BHMT2: variants seen among roughly 807,000 people sequenced by gnomAD.
BHMT2 encodes the protein betaine--homocysteine S-methyltransferase 2, also known as S-methylmethionine--homocysteine S-methyltransferase BHMT2.
In BHMT2, 28 loss-of-function variants were observed where a neutral mutation model predicts 39.0. The observed-to-expected ratio is 0.72, with a 90% CI of 0.53 to 0.98. The LOEUF (loss-of-function observed/expected upper bound fraction) is 0.98, where lower values mean the gene tolerates loss of function less well. Ranked by LOEUF, BHMT2 falls within the 50% of genes least tolerant of loss-of-function variation. The pLI is 0.00. For missense variants in BHMT2, 410 were observed against 455.6 expected, an observed-to-expected ratio of 0.90 and a Z score of 0.91; for synonymous variants, 145 against 160.6, an observed-to-expected ratio of 0.90 and a Z score of 0.74.
intron 7 of BHMT2, among the ~76,000 whole-genome samples, chr5:79,087,955 G>A (rs1288894292): frequency 3.3e-5 from 5 of 152,312 alleles, no homozygotes; most frequent in East Asian, 3.9e-4. Context: ...CAAGGCAGAC[G>A]GATCACTGGA....
intron 7 of BHMT2, 89 bp from the exon 8 acceptor site, chr5:79,088,401 TATA>T: frequency 1.7e-5 from 13 of 776,550 alleles, no homozygotes; most frequent in Non-Finnish European, 2.7e-5. Context: ...TGTGTGTGGT[TATA>T]TACATATACA....
intron 3 of BHMT2, 106 bp from the exon 4 acceptor site, chr5:79,080,581 A>T (rs1212588619): frequency 2.1e-5 from 20 of 938,764 alleles, no homozygotes; most frequent in Middle Eastern, 3.5e-4. Flanking sequence ...CATTGAAGAG[A>T]GTGGCTTATA....
intron 1 of BHMT2, among the ~76,000 whole-genome samples, chr5:79,071,501 G>A (rs1183805774): frequency 1.3e-5 from 2 of 152,236 alleles, no homozygotes; most frequent in Non-Finnish European, 2.9e-5. Flanking sequence ...CAGGTTCACT[G>A]CCAAACTGAT....
intron 4 of BHMT2, among the ~76,000 whole-genome samples, chr5:79,081,344 T>C (rs1755785745): frequency 6.6e-6 from 1 of 152,208 alleles, no homozygotes; most frequent in Non-Finnish European, 1.5e-5. Context: ...GCCTTCTCCA[T>C]CCATGTCTTG....
rs1162515850 is a variant in BHMT2, at chr5:79,088,625, C to T, written c.*51C>T. On this transcript the variant is annotated 3_prime_UTR_variant, in exon 8 of 8. Transcript: ENST00000255192. ...TAATCGAACAGGAAAAAGTTGCCCTCAAGCCTGACCTGGAACCGTTCCTCA... is the reference window on the plus strand; with the variant it reads ...TAATCGAACAGGAAAAAGTTGCCCTTAAGCCTGACCTGGAACCGTTCCTCA... 1 of 1,491,346 alleles carries T rather than the reference C, an allele frequency of 6.7e-7. No homozygotes were observed. The highest frequency in any genetic ancestry group is 2.3e-5 in the East Asian group (1 of 44,042). 92.4% of individuals were successfully genotyped at this position (1,491,346 alleles called of 1,614,324 possible).
chr5:79,089,464 A>AAG lies in BHMT2; in HGVS notation c.*891_*892insGA, dbSNP rs1204690257. 6.6e-6 allele frequency: 1 copy of AAG among 152,014 alleles called. No homozygotes were observed. Among genetic ancestry groups the AAG allele is most frequent in the African/African-American group, 2.4e-5 (1 of 41,298 alleles). 9.4% of individuals were successfully genotyped at this position (152,014 alleles called of 1,614,324 possible). On this transcript the variant is annotated 3_prime_UTR_variant, in exon 8 of 8. Transcript: ENST00000255192. ...AGACTCCATCTCAAAAAAAAAAAAA[A>AAG]AAGATATTAGGTCCTAGAATTTTTA...
intron 4 of BHMT2, among the ~76,000 whole-genome samples, chr5:79,081,151 C>T (rs1452694057): frequency 1.3e-5 from 2 of 152,154 alleles, no homozygotes; most frequent in African/African-American, 4.8e-5. Flanking sequence ...TTGGGGGACT[C>T]TACAACCTAT....
At chr5:79,070,158 C>A (rs555899094) in intron 1 of BHMT2, among the ~76,000 whole-genome samples, 1 of 152,224 alleles carries the variant, frequency 6.6e-6, no homozygotes, top group Non-Finnish European at 1.5e-5. Context: ...GTCTAGCTTT[C>A]GGACGCATGT....
At position 79,088,582 on chromosome 5, in the gene BHMT2, T is replaced by C. The variant is rs1381253102; in HGVS notation, c.*8T>C. 6.2e-7 allele frequency: 1 copy of C among 1,611,940 alleles called. No individual in the cohort carries two copies. Among genetic ancestry groups the C allele is most frequent in the African/African-American group, 1.3e-5 (1 of 74,720 alleles). On this transcript the variant is annotated 3_prime_UTR_variant, in exon 8 of 8. Coordinates refer to ENST00000255192, the MANE Select transcript of BHMT2 (RefSeq NM_017614.5). Reference sequence around the variant, plus strand: ...TCAAAGCCAGACTTCTAAGGAGTAGTGAAAGAAAACCCTGAAATAATCGAA... The same window carrying C: ...TCAAAGCCAGACTTCTAAGGAGTAGCGAAAGAAAACCCTGAAATAATCGAA...
chr5:79,081,513 A>G (rs1755788607), intron 4 of BHMT2, among the ~76,000 whole-genome samples: 1 of 152,160 alleles, frequency 6.6e-6, no homozygotes, highest in Non-Finnish European at 1.5e-5. Flanking sequence ...TTCCCAACAT[A>G]ACTGCTACTG....
At chr5:79,087,586 C>T (rs1011424323) in intron 7 of BHMT2, among the ~76,000 whole-genome samples, 6 of 152,092 alleles carry the variant, frequency 3.9e-5, no homozygotes, top group South Asian at 2.1e-4. Context: ...TCTGACATCT[C>T]ATCATCCAAA....
intron 1 of BHMT2, among the ~76,000 whole-genome samples, chr5:79,073,931 C>T (rs1755626019): frequency 6.6e-6 from 1 of 152,162 alleles, no homozygotes; most frequent in South Asian, 2.1e-4. Flanking sequence ...GAACTAGCAT[C>T]CCCAATCAGA....
intron 1 of BHMT2, among the ~76,000 whole-genome samples, chr5:79,070,796 G>C (rs908172472): frequency 6.6e-6 from 1 of 152,184 alleles, no homozygotes; most frequent in African/African-American, 2.4e-5. Flanking sequence ...GCAATGTTAA[G>C]TTGCAAAAGG....
intron 1 of BHMT2, among the ~76,000 whole-genome samples, chr5:79,075,217 G>C (rs1056748009): frequency 3.9e-5 from 6 of 152,124 alleles, no homozygotes; most frequent in Non-Finnish European, 5.9e-5. Flanking sequence ...CTGCCGTAGG[G>C]AATGGCAAAG....
intron 1 of BHMT2, among the ~76,000 whole-genome samples, chr5:79,074,315 T>C (rs1039727818): frequency 6.6e-6 from 1 of 152,166 alleles, no homozygotes; most frequent in Non-Finnish European, 1.5e-5. Context: ...CGATGGAGAT[T>C]AAGAGATTAT....
At chr5:79,084,624 C>T (rs1003766658) in intron 7 of BHMT2, among the ~76,000 whole-genome samples, 2 of 152,094 alleles carry the variant, frequency 1.3e-5, no homozygotes, top group African/African-American at 4.8e-5. Context: ...GGCTCCACCC[C>T]CTAATATCAT....
At chr5:79,086,122 A>C (rs1477787599) in intron 7 of BHMT2, among the ~76,000 whole-genome samples, 2 of 152,126 alleles carry the variant, frequency 1.3e-5, no homozygotes. Context: ...TGGCTTTTTC[A>C]ACCAGGTCAC....
At chr5:79,086,138 A>G (rs985093356) in intron 7 of BHMT2, among the ~76,000 whole-genome samples, 2 of 152,084 alleles carry the variant, frequency 1.3e-5, no homozygotes, top group African/African-American at 4.8e-5. Context: ...GTCACTCCAG[A>G]TATACTCTGA....
At chr5:79,087,119 C>T (rs1256073679) in intron 7 of BHMT2, among the ~76,000 whole-genome samples, 1 of 149,612 alleles carries the variant, frequency 6.7e-6, no homozygotes, top group Non-Finnish European at 1.5e-5. Context: ...CTGCTGTCTT[C>T]TCTCTGTTCA....
Sources: allele counts gnomAD v4.1 joint callset (sites outside exome capture counted in the v4.1 genomes callset), GRCh38; gene constraint gnomAD v4.1.1; transcripts MANE v1.5; gene names NCBI Gene and HGNC (gene_info 2026-07-23, HGNC 2026-07-21).